The following SMARCA5 variants were observed in gnomAD, a reference collection of about 807,000 sequenced individuals.
The protein encoded by SMARCA5 is SNF2 related chromatin remodeling ATPase 5.
SMARCA5 carries 18 observed loss-of-function variants against 140.4 expected under a neutral mutation model. That is an observed-to-expected ratio of 0.13 (90% CI 0.09 to 0.19). The LOEUF (loss-of-function observed/expected upper bound fraction) is 0.19. SMARCA5 is among the 10% of genes least tolerant of loss of function. The pLI is 1.00. For missense variants in SMARCA5, 606 were observed against 1,276.8 expected (o/e 0.47, Z 8.01); for synonymous variants, 449 against 419.6 (o/e 1.07, Z -0.86).
At chr4:143,548,170 T>C (rs1341443639) in intron 22 of SMARCA5, 30 bp downstream of exon 22, 1 of 1,351,142 alleles carries the variant, frequency 7.4e-7, no homozygotes, top group East Asian at 2.3e-5. Flanking sequence ...TTGTGTAATG[T>C]AGCAGAGTTC....
rs77304162 is a variant in SMARCA5, at chr4:143,555,357, C to A, written c.*2173C>A. The A allele has an allele frequency of 3.1e-3, 2,191 of 711,094 alleles. 33 individuals are homozygous for A. Among genetic ancestry groups the A allele is most frequent in the East Asian group, 5.9e-3 (226 of 38,278 alleles). The allele number at this position is 711,094 out of a possible 1,614,324, so 44.0% of individuals were successfully genotyped here. ...AATCTATTATAGCAATCCCCACTGC[C>A]ACCATATCCATCACCACCACCATGG... is the stretch of plus-strand genomic sequence containing the variant. On this transcript the variant is annotated 3_prime_UTR_variant, in exon 24 of 24. Coordinates refer to ENST00000283131, the MANE Select transcript of SMARCA5 (RefSeq NM_003601.4).
chr4:143,527,889 T>A lies in SMARCA5; in HGVS notation c.823T>A (p.Leu275Ile). The change falls in exon 7 of 24, where the codon TTA (leucine) becomes ATA (isoleucine). Residue 275 changes from leucine to isoleucine, a missense_variant. Physicochemically the swap from Leu to Ile is conservative, Grantham distance 5 (BLOSUM62 2). Around this residue, in one of 10 missense-constraint regions of SMARCA5, gnomAD observed 110 missense variants for 287.7 expected, o/e 0.38. Transcript: ENST00000283131. Reference protein sequence around the residue: ...EQRAAFVRDVLLPGEWDVCVT... With the variant: ...EQRAAFVRDVILPGEWDVCVT... ...ACAGGCTGCTTTTGTCAGAGACGTTTTATTACCGGGAGAATGGGATGTATG... is the reference window on the plus strand; with the variant it reads ...ACAGGCTGCTTTTGTCAGAGACGTTATATTACCGGGAGAATGGGATGTATG... 1 of 1,593,932 alleles carries A rather than the reference T, an allele frequency of 6.3e-7. No individual in the cohort carries two copies. The highest frequency in any genetic ancestry group is 1.2e-5 in the South Asian group (1 of 86,320).
intron 3 of SMARCA5, among the ~76,000 whole-genome samples, chr4:143,521,893 C>CAAAAAAAAAAA (rs58679947): frequency 2.5e-4 from 11 of 44,788 alleles, no homozygotes; most frequent in Non-Finnish European, 3.9e-4. Flanking sequence ...CCCATCTCTA[C>CAAAAAAAAAAA]AAAAAAAAAA....
chr4:143,523,335 G>GT (rs10717167), intron 3 of SMARCA5, among the ~76,000 whole-genome samples: 3,471 of 150,240 alleles, frequency 0.023, 48 homozygotes, highest in South Asian at 0.046. Context: ...CCAGGAATAC[G>GT]TTTTTTTTTT....
chr4:143,550,482 A>C (rs1346576040), intron 23 of SMARCA5, among the ~76,000 whole-genome samples: 3 of 151,924 alleles, frequency 2.0e-5, no homozygotes, highest in African/African-American at 7.2e-5. Context: ...AAAATGTATA[A>C]TTAAATTATT....
intron 1 of SMARCA5, 32 bp downstream of exon 1, chr4:143,514,133 G>T: frequency 6.7e-7 from 1 of 1,493,970 alleles, no homozygotes; most frequent in Non-Finnish European, 8.9e-7. Context: ...GGGAGCGGGT[G>T]CAGCGGGGAG....
chr4:143,516,694 T>C lies in SMARCA5; in HGVS notation c.178-661T>C, dbSNP rs528327684. ...TTATTATAGCATATATTGCCTAGCA[T>C]AGATTTGTGCATCATTAATGAAGAT... is the stretch of plus-strand genomic sequence containing the variant. On this transcript the variant is annotated intron_variant, in intron 1 of 23. Transcript: ENST00000283131. Among the ~76,000 whole-genome samples, 10 of 150,274 alleles carry C rather than the reference T, an allele frequency of 6.7e-5. No homozygotes were observed. The East Asian group carries it at 1.9e-3, about 28-fold the overall frequency.
At chr4:143,538,074 TAGCTGCCTAA>T (rs1223747119) in intron 11 of SMARCA5, among the ~76,000 whole-genome samples, 1 of 152,186 alleles carries the variant, frequency 6.6e-6, no homozygotes, top group African/African-American at 2.4e-5. Context: ...AGGTATTATG[TAGCTGCCTAA>T]AGAAGTGGAA....
At chr4:143,523,584 T>A (rs1737008216) in intron 3 of SMARCA5, among the ~76,000 whole-genome samples, 1 of 152,198 alleles carries the variant, frequency 6.6e-6, no homozygotes, top group African/African-American at 2.4e-5. Context: ...ATGTACTGAT[T>A]ATGATTAGAA....
chr4:143,547,797 C>T (rs1407458962), intron 21 of SMARCA5, 131 bp from the exon 22 acceptor site: 4 of 574,374 alleles, frequency 7.0e-6, no homozygotes, highest in East Asian at 2.8e-5. Context: ...TTATATAAAG[C>T]AATTGAAGTG....
chr4:143,549,914 T>C (rs2149825583), intron 22 of SMARCA5, 83 bp from the exon 23 acceptor site: 2 of 692,918 alleles, frequency 2.9e-6, no homozygotes. Flanking sequence ...TATATTATCC[T>C]ATTAAAACAT....
At chr4:143,547,735 CTG>C (rs1447054851) in intron 21 of SMARCA5, among the ~76,000 whole-genome samples, 191 bp from the exon 22 acceptor site, 8 of 151,968 alleles carry the variant, frequency 5.3e-5, no homozygotes, top group Non-Finnish European at 1.2e-4. Flanking sequence ...AAGTCTTAGT[CTG>C]TATTTCTCTT....
intron 2 of SMARCA5, among the ~76,000 whole-genome samples, chr4:143,517,639 A>G (rs1485091136): frequency 6.6e-6 from 1 of 152,178 alleles, no homozygotes; most frequent in African/African-American, 2.4e-5. Flanking sequence ...TTGCAGTGTC[A>G]TTATATGGAG....
intron 14 of SMARCA5, among the ~76,000 whole-genome samples, chr4:143,542,687 G>A (rs759645409): frequency 3.3e-5 from 5 of 152,032 alleles, no homozygotes; most frequent in Admixed American, 6.5e-5. Flanking sequence ...CCTTGAGGAG[G>A]GTGAAAACAA....
At chr4:143,525,058 T>C (rs1737039242) in intron 4 of SMARCA5, among the ~76,000 whole-genome samples, 1 of 151,998 alleles carries the variant, frequency 6.6e-6, no homozygotes, top group Non-Finnish European at 1.5e-5. Flanking sequence ...TTTTTTTTTT[T>C]TTTACTAGAA....
intron 5 of SMARCA5, among the ~76,000 whole-genome samples, chr4:143,525,910 C>G (rs1303791401): frequency 6.6e-6 from 1 of 152,002 alleles, no homozygotes. Flanking sequence ...AAACATTTAT[C>G]TTTTGTTAAC....
At position 143,513,819 on chromosome 4, in the gene SMARCA5, G is replaced by A. The variant is rs540699527; in HGVS notation, c.-106G>A. On this transcript the variant is annotated 5_prime_UTR_variant, in exon 1 of 24. Coordinates refer to ENST00000283131, the MANE Select transcript of SMARCA5 (RefSeq NM_003601.4). ...AGGGGAGCGCTCGGGTGGGAGTCTC[G>A]CTCCTCCACCAGTTTATTGCGACGT... The A allele has an allele frequency of 6.1e-6, 8 of 1,316,968 alleles. No individual in the cohort carries two copies. The East Asian group carries it at 2.1e-4, about 35-fold the overall frequency. The allele number at this position is 1,316,968 out of a possible 1,614,324, so 81.6% of individuals were successfully genotyped here. A position where few individuals can be genotyped will look rare whatever the true frequency, so the allele number is the denominator to read the frequency against.
intron 3 of SMARCA5, among the ~76,000 whole-genome samples, chr4:143,521,846 C>T (rs144159736): frequency 1.8e-3 from 219 of 123,776 alleles, no homozygotes; most frequent in African/African-American, 6.6e-3. Context: ...TGCTTGAGTC[C>T]GGGAGTATGA....
At chr4:143,523,219 G>T (rs571762531) in intron 3 of SMARCA5, among the ~76,000 whole-genome samples, 99 of 152,128 alleles carry the variant, frequency 6.5e-4, no homozygotes, top group African/African-American at 2.3e-3. Flanking sequence ...TAGAGATGGG[G>T]TTTCACCATG....
Sources: gnomAD v4.1 joint callset for allele counts (sites outside exome capture counted in the v4.1 genomes callset) on GRCh38, gnomAD v4.1.1 for gene constraint, gnomAD v4.1.1 regional missense constraint, MANE v1.5 for transcripts, NCBI Gene and HGNC (gene_info 2026-07-23, HGNC 2026-07-21) for gene names.